Variants in FHL2 observed in about 807,000 individuals in gnomAD.
The protein encoded by FHL2 is four and a half LIM domains 2, also known as four and a half LIM domains protein 2.
A neutral mutation model predicts 32.7 loss-of-function variants in FHL2; 20 were observed. That is an observed-to-expected ratio of 0.61 (90% confidence interval 0.43 to 0.89). The LOEUF is 0.89. Among genes scored for constraint, FHL2 ranks in the 40% least tolerant of loss-of-function variants. The pLI is 0.00. For synonymous variants in FHL2, 123 were observed against 128.1 expected (o/e 0.96, Z 0.27); for missense variants, 311 against 358.6 (o/e 0.87, Z 1.07).
At chr2:105,436,989 A>G (rs1256087936) in intron 1 of FHL2, among the ~76,000 whole-genome samples, 1 of 152,118 alleles carries the variant, frequency 6.6e-6, no homozygotes, top group Admixed American at 6.5e-5. Context: ...GCTTTAGGTC[A>G]TGGGAATGCA....
chr2:105,377,824 G>A (rs1021860786), intron 3 of FHL2: 9 of 343,236 alleles, frequency 2.6e-5, no homozygotes, highest in East Asian at 1.5e-4. Flanking sequence ...AGGAGTAGGC[G>A]CCAGGGAGAG....
chr2:105,368,506 T>C (rs1474942674), intron 4 of FHL2, among the ~76,000 whole-genome samples: 2 of 152,214 alleles, frequency 1.3e-5, no homozygotes, highest in African/African-American at 4.8e-5. Context: ...AATCTTCATG[T>C]GTTACTTGTA....
chr2:105,410,266 A>G (rs896549270), intron 1 of FHL2, among the ~76,000 whole-genome samples: 3 of 152,228 alleles, frequency 2.0e-5, no homozygotes, highest in Non-Finnish European at 4.4e-5. Flanking sequence ...TCTTAAACCC[A>G]GGCAGGTTAC....
intron 2 of FHL2, among the ~76,000 whole-genome samples, chr2:105,394,118 C>T (rs1682942426): frequency 6.6e-6 from 1 of 152,164 alleles, no homozygotes. Context: ...GAATACCCCG[C>T]ACCATTTTAT....
chr2:105,370,213 C>T (rs549238054), intron 4 of FHL2, among the ~76,000 whole-genome samples: 126 of 151,846 alleles, frequency 8.3e-4, no homozygotes, highest in Non-Finnish European at 1.4e-3. Context: ...TCTCTACCCC[C>T]CCAAAAAAAA....
downstream of FHL2, chr2:105,358,374 C>T (rs914319683): frequency 2.0e-5 from 3 of 152,324 alleles, no homozygotes; most frequent in Non-Finnish European, 4.4e-5. Context: ...CAGATTGCCC[C>T]TCCCAATGTG....
At position 105,398,999 on chromosome 2, in the gene FHL2, C is replaced by A; in HGVS notation, c.-233G>T. The A allele has an allele frequency of 1.3e-6, 2 of 1,500,456 alleles. No homozygotes were observed. The highest frequency in any genetic ancestry group is 1.8e-6 in the Non-Finnish European group (2 of 1,127,958). The allele number at this position is 1,500,456 out of a possible 1,614,324, so 92.9% of individuals were successfully genotyped here. On this transcript the variant is annotated 5_prime_UTR_variant, in exon 1 of 7. Coordinates refer to ENST00000530340, the MANE Select transcript of FHL2 (RefSeq NM_001318895.3). ...CCGCAGCGGGCCGGGGACTCCCGGA[C>A]GGGGCTGGAGGGCGCGGGCGGCTGG...
upstream of FHL2, among the ~76,000 whole-genome samples, chr2:105,402,814 T>C (rs1267069467): frequency 6.6e-6 from 1 of 152,252 alleles, no homozygotes; most frequent in African/African-American, 2.4e-5. Context: ...TCCTAGGACC[T>C]AATTAATTAT....
chr2:105,380,786 G>GA (rs927641659), intron 3 of FHL2, among the ~76,000 whole-genome samples: 11 of 150,664 alleles, frequency 7.3e-5, no homozygotes, highest in Admixed American at 3.3e-4. Flanking sequence ...CAAAAAGAAA[G>GA]AAAAAAAAAG....
chr2:105,363,252 C>A, intron 6 of FHL2, 33 bp downstream of exon 6: 1 of 1,606,758 alleles, frequency 6.2e-7, no homozygotes, highest in South Asian at 1.1e-5. Context: ...AGCTTCCAAT[C>A]GCCCCTGGAA....
rs147599551 is a variant in FHL2, at chr2:105,421,295, A to G, written c.-25+17104T>C. ...GTCAGTGATCTGGGGCTTTGTGGCA[A>G]TGTTCTGCCCTGCTTGAGGTTACAG... On this transcript the variant is annotated intron_variant, in intron 1 of 5. Coordinates refer to the FHL2 transcript ENST00000393352. Among the ~76,000 whole-genome samples the G allele has an allele frequency of 7.2e-3, 1,102 of 152,284 alleles. 5 individuals carry two copies. The highest frequency in any genetic ancestry group is 0.012 in the Non-Finnish European group (805 of 68,010).
intron 2 of FHL2, among the ~76,000 whole-genome samples, chr2:105,393,017 C>T (rs575131607): frequency 2.5e-4 from 38 of 150,582 alleles, no homozygotes; most frequent in Middle Eastern, 3.5e-3. Context: ...AGAAAGATTT[C>T]GATCAAAGGA....
chr2:105,375,487 C>T (rs1357066617), intron 3 of FHL2: 1 of 152,178 alleles, frequency 6.6e-6, no homozygotes, highest in Non-Finnish European at 1.5e-5. Context: ...AAAATACAAA[C>T]ATTAGCCGGG....
chr2:105,413,345 C>A (rs182692766), intron 1 of FHL2, among the ~76,000 whole-genome samples: 1 of 152,068 alleles, frequency 6.6e-6, no homozygotes, highest in Admixed American at 6.6e-5. Context: ...GTCAGACTAA[C>A]GAAACGATTT....
intron 6 of FHL2, 102 bp from the exon 7 acceptor site, chr2:105,361,536 T>C: frequency 9.9e-7 from 1 of 1,013,852 alleles, no homozygotes; most frequent in Admixed American, 2.2e-5. Flanking sequence ...GTTTGGATTG[T>C]GTAATATGGA....
At chr2:105,364,263 AC>A (rs1392065614) in intron 5 of FHL2, among the ~76,000 whole-genome samples, 1 of 149,624 alleles carries the variant, frequency 6.7e-6, no homozygotes, top group Non-Finnish European at 1.5e-5. Context: ...CAAAAACAAA[AC>A]AAAACAAAAC....
intron 1 of FHL2, among the ~76,000 whole-genome samples, chr2:105,426,885 A>G (rs1217214177): frequency 2.6e-5 from 4 of 151,814 alleles, no homozygotes; most frequent in Admixed American, 2.6e-4. Flanking sequence ...GGCCCTTATC[A>G]CTCCTTGGTG....
intron 1 of FHL2, among the ~76,000 whole-genome samples, chr2:105,428,698 G>A (rs1252554151): frequency 6.6e-5 from 10 of 152,168 alleles, no homozygotes; most frequent in East Asian, 1.9e-4. Context: ...GGGTTGCCAC[G>A]CTCTCCCTGG....
At position 105,361,448 on chromosome 2, in the gene FHL2, G is replaced by C. The variant is rs1249348088; in HGVS notation, c.689-14C>G. 6.2e-7 allele frequency: 1 copy of C among 1,608,016 alleles called. No individual in the cohort carries two copies. The highest frequency in any genetic ancestry group is 1.7e-5 in the Admixed American group (1 of 59,050). On this transcript the variant is annotated splice_polypyrimidine_tract_variant and intron_variant, in intron 6 of 6. Coordinates refer to ENST00000530340, the MANE Select transcript of FHL2 (RefSeq NM_001318895.3). ...TGCCACCAAGTCCTGTTAACAGAGA[G>C]AAAATAATACCGGATGAAGAAAGTT...
Sources: gnomAD v4.1 joint callset for allele counts (sites outside exome capture counted in the v4.1 genomes callset) on GRCh38, gnomAD v4.1.1 for gene constraint, MANE v1.5 for transcripts, NCBI Gene and HGNC (gene_info 2026-07-23, HGNC 2026-07-21) for gene names.